PLPP3: variants seen among roughly 807,000 people sequenced by gnomAD.
PLPP3 encodes PAP2 beta.
PLPP3 carries 6 observed loss-of-function variants against 29.6 expected under a neutral mutation model. That is an observed-to-expected ratio of 0.20 (90% CI 0.11 to 0.40). PLPP3 has a LOEUF of 0.40. Ranked by LOEUF, PLPP3 falls within the 10% of genes least tolerant of loss-of-function variation. The probability of loss-of-function intolerance (pLI) is 1.00; values close to 1 mark genes in which losing one functional copy is unlikely to be tolerated. For synonymous variants in PLPP3, 152 were observed against 159.7 expected, an observed-to-expected ratio of 0.95 and a Z score of 0.36; for missense variants, 308 against 407.7, an observed-to-expected ratio of 0.76 and a Z score of 2.11.
chr1:56,524,635 C>T lies in PLPP3; in HGVS notation c.298-81G>A, dbSNP rs1054933334. The T allele has an allele frequency of 4.2e-6, 6 of 1,438,030 alleles. No homozygotes were observed. Among genetic ancestry groups the T allele is most frequent in the Non-Finnish European group, 5.7e-6 (6 of 1,044,408 alleles). 89.1% of individuals were successfully genotyped at this position (1,438,030 alleles called of 1,614,324 possible). On this transcript the variant is annotated intron_variant, in intron 2 of 5. Transcript: ENST00000371250. The surrounding 1 kb of genome is among the most constrained non-coding windows in gnomAD (Gnocchi z 4.3). ...ATGCCGTAACGGATATTCAACAACACAGGAGAATATTCAGTATTTGCAAAG... is the reference window on the plus strand; with the variant it reads ...ATGCCGTAACGGATATTCAACAACATAGGAGAATATTCAGTATTTGCAAAG...
intron 1 of PLPP3, among the ~76,000 whole-genome samples, chr1:56,553,966 G>A (rs899265863): frequency 1.3e-5 from 2 of 152,124 alleles, no homozygotes; most frequent in African/African-American, 4.8e-5. Context: ...GAAGGAAAGA[G>A]ACAAGTGTTG....
intron 4 of PLPP3, among the ~76,000 whole-genome samples, chr1:56,522,795 T>A (rs1171795304): frequency 6.6e-6 from 1 of 152,258 alleles, no homozygotes; most frequent in African/African-American, 2.4e-5. Context: ...CTGAGCTATG[T>A]CTGACCTCTT....
intron 1 of PLPP3, among the ~76,000 whole-genome samples, chr1:56,570,444 A>G (rs992585307): frequency 1.3e-5 from 2 of 152,228 alleles, no homozygotes; most frequent in African/African-American, 4.8e-5. Context: ...TGATTGCAAT[A>G]TATACTTTCA....
intron 1 of PLPP3, among the ~76,000 whole-genome samples, chr1:56,556,734 GT>G (rs2100290516): frequency 6.6e-6 from 1 of 151,664 alleles, no homozygotes; most frequent in East Asian, 2.0e-4. Flanking sequence ...GACAGTATAG[GT>G]GAATGTAGTG....
chr1:56,575,220 C>T (rs935023431), intron 1 of PLPP3, among the ~76,000 whole-genome samples: 2 of 152,228 alleles, frequency 1.3e-5, no homozygotes, highest in Admixed American at 6.5e-5. Flanking sequence ...CACAGAAAAC[C>T]GACTCATCCA....
At chr1:56,571,748 G>A (rs892918850) in intron 1 of PLPP3, among the ~76,000 whole-genome samples, 2 of 151,804 alleles carry the variant, frequency 1.3e-5, no homozygotes, top group African/African-American at 2.4e-5. Flanking sequence ...AAATGAAAAA[G>A]ACTGCTTTGA....
rs1490319014 is a variant in PLPP3, at chr1:56,511,896, C to A, written c.810+80G>T. On this transcript the variant is annotated intron_variant, in intron 5 of 5. Transcript: ENST00000371250. ...GAGGACAGGAACGAGGGCTCTCTAG[C>A]TTTAGTCACTGAGCTGGAAACATTT... The A allele has an allele frequency of 1.9e-6, 3 of 1,562,582 alleles. No homozygotes were observed. In the African/African-American group the frequency reaches 4.1e-5, roughly 21 times the overall value.
intron 1 of PLPP3, among the ~76,000 whole-genome samples, chr1:56,551,277 TGG>T (rs112470402): frequency 0.019 from 2,310 of 121,802 alleles, 92 homozygotes; most frequent in Middle Eastern, 0.026. Flanking sequence ...TTTCTGGGTT[TGG>T]GGTTTGGTTT....
intron 1 of PLPP3, among the ~76,000 whole-genome samples, chr1:56,564,456 C>T (rs1646148867): frequency 6.6e-6 from 1 of 152,110 alleles, no homozygotes; most frequent in African/African-American, 2.4e-5. Flanking sequence ...AATTCAAACT[C>T]TCAGATGCAA....
intron 1 of PLPP3, among the ~76,000 whole-genome samples, chr1:56,576,288 TAATCC>T (rs1381576210): frequency 3.3e-5 from 5 of 152,166 alleles, no homozygotes; most frequent in Admixed American, 2.6e-4. Flanking sequence ...TAGTGCCCTG[TAATCC>T]AGACCATATG....
At chr1:56,550,189 A>C (rs1296385986) in intron 1 of PLPP3, among the ~76,000 whole-genome samples, 1 of 152,194 alleles carries the variant, frequency 6.6e-6, no homozygotes, top group East Asian at 1.9e-4. Flanking sequence ...CTCTGGGACC[A>C]TCCTCAGTTG....
intron 1 of PLPP3, among the ~76,000 whole-genome samples, chr1:56,547,646 G>A (rs1646014572): frequency 6.6e-6 from 1 of 152,146 alleles, no homozygotes; most frequent in Admixed American, 6.5e-5. Context: ...GCACTCCTAG[G>A]CAAGCTGAGG....
At chr1:56,565,639 T>C (rs1297771575) in intron 1 of PLPP3, among the ~76,000 whole-genome samples, 1 of 152,186 alleles carries the variant, frequency 6.6e-6, no homozygotes, top group Non-Finnish European at 1.5e-5. Context: ...CAGGTTGGTC[T>C]CGAACTCCTG....
At chr1:56,578,557 T>C (rs1308041894) in intron 1 of PLPP3, among the ~76,000 whole-genome samples, 1 of 152,094 alleles carries the variant, frequency 6.6e-6, no homozygotes, top group Non-Finnish European at 1.5e-5. Flanking sequence ...TCCCCTACGC[T>C]AAAAGGACGA....
intron 1 of PLPP3, among the ~76,000 whole-genome samples, chr1:56,578,207 A>C (rs1646249113): frequency 6.6e-6 from 1 of 152,192 alleles, no homozygotes; most frequent in African/African-American, 2.4e-5. Flanking sequence ...AATGGGGCTC[A>C]TCACCCCTGC....
intron 1 of PLPP3, among the ~76,000 whole-genome samples, chr1:56,558,494 C>G (rs1243760521): frequency 6.6e-6 from 1 of 152,192 alleles, no homozygotes; most frequent in African/African-American, 2.4e-5. Context: ...TTTATAAACC[C>G]AGGTAGCACT....
chr1:56,544,734 C>T (rs1645993947), intron 1 of PLPP3, among the ~76,000 whole-genome samples: 1 of 152,174 alleles, frequency 6.6e-6, no homozygotes. Context: ...GCTAAGGATA[C>T]ATGAACTATG....
At chr1:56,529,328 G>A (rs946143226) in intron 2 of PLPP3, among the ~76,000 whole-genome samples, 3 of 152,076 alleles carry the variant, frequency 2.0e-5, no homozygotes, top group Non-Finnish European at 4.4e-5. Flanking sequence ...GTCCTACTAG[G>A]CAGTAGTATG....
intron 1 of PLPP3, among the ~76,000 whole-genome samples, chr1:56,576,338 C>T (rs1336819302): frequency 1.3e-5 from 2 of 152,144 alleles, no homozygotes; most frequent in Middle Eastern, 3.2e-3. Flanking sequence ...ATTATACTGA[C>T]GGTCTTAGGC....
Sources: allele counts gnomAD v4.1 joint callset (sites outside exome capture counted in the v4.1 genomes callset), GRCh38; gene constraint gnomAD v4.1.1; non-coding constraint Gnocchi (gnomAD v3.1); transcripts MANE v1.5; gene names NCBI Gene and HGNC (gene_info 2026-07-23, HGNC 2026-07-21).